Variants in NDUFAF5 observed in about 807,000 individuals in gnomAD.
NDUFAF5 encodes NADH:ubiquinone oxidoreductase complex assembly factor 5.
Under a neutral mutation model 48.9 loss-of-function variants are expected in NDUFAF5, and 34 were observed. The ratio of observed to expected loss-of-function variants is 0.70; its 90% CI spans 0.53 to 0.93. The LOEUF is 0.93. Ranked by LOEUF, NDUFAF5 falls within the 40% of genes least tolerant of loss-of-function variation. The pLI is 0.00. For synonymous variants in NDUFAF5, 153 were observed against 150.6 expected, an observed-to-expected ratio of 1.02 and a Z score of -0.12; for missense variants, 428 against 427.5, an observed-to-expected ratio of 1.00 and a Z score of -0.01.
intron 8 of NDUFAF5, among the ~76,000 whole-genome samples, chr20:13,814,702 T>A (rs1986260446): frequency 6.6e-6 from 1 of 152,222 alleles, no homozygotes; most frequent in Non-Finnish European, 1.5e-5. Flanking sequence ...TCCCAAAGTT[T>A]CAGTTTTTCC....
At chr20:13,803,692 ATT>A (rs1414791708) in intron 7 of NDUFAF5, among the ~76,000 whole-genome samples, 4 of 152,150 alleles carry the variant, frequency 2.6e-5, no homozygotes, top group African/African-American at 9.7e-5. Flanking sequence ...TTAAAACTGA[ATT>A]TGTTTTCGTA....
chr20:13,809,406 G>T (rs1419363711), intron 8 of NDUFAF5, among the ~76,000 whole-genome samples: 1 of 152,188 alleles, frequency 6.6e-6, no homozygotes, highest in Admixed American at 6.5e-5. Context: ...AAAAAAAATG[G>T]AGATGAATTA....
At chr20:13,807,948 TAAAA>T (rs11349642) in intron 7 of NDUFAF5, among the ~76,000 whole-genome samples, 1 of 148,100 alleles carries the variant, frequency 6.8e-6, no homozygotes, top group African/African-American at 2.5e-5. Context: ...GAATCCGTCT[TAAAA>T]AAAAAAAAAA....
intron 10 of NDUFAF5, 22 bp from the exon 11 acceptor site, chr20:13,817,096 C>A (rs1234064580): frequency 6.2e-7 from 1 of 1,605,312 alleles, no homozygotes; most frequent in East Asian, 2.2e-5. Context: ...TTTCTAATAT[C>A]TTTAATCTTT....
chr20:13,802,540 C>T (rs1351626392), intron 7 of NDUFAF5, among the ~76,000 whole-genome samples: 2 of 152,056 alleles, frequency 1.3e-5, no homozygotes, highest in East Asian at 3.9e-4. Context: ...TGTGGTGATG[C>T]ATGCCTGTAA....
rs760239102 is a variant in NDUFAF5 at position 13,793,187 on chromosome 20, T to C, written c.335T>C (p.Ile112Thr). ...YIAQYLNKET[I>T]GKFFQADIAE... Reference sequence around the variant, plus strand: ...TCAGTTATTCCATTGCAGGAAACTATTGGAAAGTTTTTCCAAGCTGACATT... The same window carrying C: ...TCAGTTATTCCATTGCAGGAAACTACTGGAAAGTTTTTCCAAGCTGACATT... Residue 112 changes from isoleucine (I) to threonine (T), a missense_variant, in exon 4 of 11, where the codon ATT becomes ACT. Transcript: ENST00000378106. 1.9e-5 allele frequency: 31 copies of C among 1,614,018 alleles called. No homozygotes were observed. Among genetic ancestry groups the C allele is most frequent in the South Asian group, 6.6e-5 (6 of 91,076 alleles).
Position 13,816,510 on chromosome 20 carries a change from C to A in NDUFAF5, c.826C>A (p.Arg276=), listed in dbSNP as rs148305100. The A allele has an allele frequency of 6.2e-7, 1 of 1,614,074 alleles. No homozygotes were observed. The highest frequency in any genetic ancestry group is 8.5e-7 in the Non-Finnish European group (1 of 1,179,960). The part of the protein sequence containing the change: ...CAWNRKALLH[R]DTMLAAAAVY... Reference sequence around the variant, plus strand: ...TTGGAATAGAAAAGCCCTGCTGCATCGAGACACAATGCTGGCAGCTGCGGC... The same window carrying A: ...TTGGAATAGAAAAGCCCTGCTGCATAGAGACACAATGCTGGCAGCTGCGGC... The change falls in exon 9 of 11, where the codon CGA becomes AGA. Residue 276 remains arginine, a synonymous_variant. Transcript: ENST00000378106.
intron 3 of NDUFAF5, 28 bp from the exon 4 acceptor site, chr20:13,793,152 T>C (rs1332413482): frequency 6.2e-7 from 1 of 1,613,474 alleles, no homozygotes; most frequent in Admixed American, 1.7e-5. Context: ...TGGATTTGTT[T>C]GTTTCAGCTT....
Position 13,817,229 on chromosome 20 carries a change from TGTC to T in NDUFAF5, c.*23_*25del, listed in dbSNP as rs752620921. On this transcript the variant is annotated 3_prime_UTR_variant, in exon 11 of 11. Transcript: ENST00000378106. ...ACAATAAATATTTATTCAGTGTTAA[TGTC>T]GTCCAGAATTTTCATCAGAAATGGA... 6 of 1,569,662 alleles carry T rather than the reference TGTC, an allele frequency of 3.8e-6. No individual in the cohort carries two copies. The highest frequency in any genetic ancestry group is 4.4e-6 in the Non-Finnish European group (5 of 1,139,520).
chr20:13,814,662 G>T, intron 8 of NDUFAF5: 1 of 406,860 alleles, frequency 2.5e-6, no homozygotes, highest in South Asian at 2.1e-5. Context: ...AGATTTTTCT[G>T]TTATCTCAAA....
chr20:13,787,774 T>C (rs552523893), intron 2 of NDUFAF5, among the ~76,000 whole-genome samples: 1 of 152,234 alleles, frequency 6.6e-6, no homozygotes, highest in Non-Finnish European at 1.5e-5. Context: ...ATTCTCCAGC[T>C]ATGTACTATA....
Position 13,785,298 on chromosome 20 carries a change from C to CGCCGGGCGGCGGGGCG in NDUFAF5, c.222+10_222+11insCGGGCGGCGGGGCGGC, listed in dbSNP as rs1555829381. 1.2e-5 allele frequency: 12 copies of CGCCGGGCGGCGGGGCG among 1,040,646 alleles called. No homozygotes were observed. The highest frequency in any genetic ancestry group is 4.8e-5 in the South Asian group (3 of 62,762). The allele number at this position is 1,040,646 out of a possible 1,614,324, so 64.5% of individuals were successfully genotyped here. A position where few individuals can be genotyped will look rare whatever the true frequency, so the allele number is the denominator to read the frequency against. On this transcript the variant is annotated intron_variant, in intron 1 of 10. Transcript: ENST00000378106. ...GACTACCTGAAGGAGGAGGTGAGCC[C>CGCCGGGCGGCGGGGCG]GCGGGGCGGCGGGGCGGCGGGGCGG...
Position 13,817,646 on chromosome 20 carries a change from A to G in NDUFAF5, c.*436A>G. On this transcript the variant is annotated 3_prime_UTR_variant, in exon 11 of 11. Coordinates refer to ENST00000378106, the MANE Select transcript of NDUFAF5 (RefSeq NM_024120.5). ...ATGTATCTTTATTAAATCCCTCCTC[A>G]ACTCTTTTTTTTTAAAGCATCTGAA... The G allele has an allele frequency of 2.2e-6, 1 of 454,174 alleles. No individual in the cohort carries two copies. Among genetic ancestry groups the G allele is most frequent in the South Asian group, 1.6e-5 (1 of 64,468 alleles). The allele number at this position is 454,174 out of a possible 1,614,324, so 28.1% of individuals were successfully genotyped here.
intron 7 of NDUFAF5, 98 bp from the exon 8 acceptor site, chr20:13,808,740 TAGCA>T: frequency 1.4e-6 from 1 of 721,484 alleles, no homozygotes; most frequent in South Asian, 1.6e-5. Flanking sequence ...ATTTTTTGCT[TAGCA>T]TGGGAGATTG....
intron 5 of NDUFAF5, among the ~76,000 whole-genome samples, chr20:13,795,993 TA>T (rs1983152416): frequency 6.6e-6 from 1 of 152,204 alleles, no homozygotes; most frequent in Non-Finnish European, 1.5e-5. Context: ...AAAAATGAAT[TA>T]GGGATCCTGT....
At chr20:13,796,236 C>T (rs1456455388) in intron 5 of NDUFAF5, among the ~76,000 whole-genome samples, 1 of 152,178 alleles carries the variant, frequency 6.6e-6, no homozygotes, top group East Asian at 1.9e-4. Context: ...TGTTTTCTTT[C>T]GTGAGTGTGT....
At chr20:13,787,945 A>G (rs1981491162) in intron 2 of NDUFAF5, among the ~76,000 whole-genome samples, 1 of 152,076 alleles carries the variant, frequency 6.6e-6, no homozygotes, top group Non-Finnish European at 1.5e-5. Context: ...AATGTAGCAT[A>G]ACATAGTGTA....
In NDUFAF5 at chr20:13,816,892, G is replaced by A; in HGVS notation, c.880G>A (p.Asp294Asn). The A allele has an allele frequency of 6.2e-7, 1 of 1,607,974 alleles. No individual in the cohort carries two copies. The highest frequency in any genetic ancestry group is 8.5e-7 in the Non-Finnish European group (1 of 1,174,574). The change falls in exon 10 of 11, where the codon GAT (aspartate) becomes AAT (asparagine). Residue 294 changes from aspartate (D) to asparagine (N), a missense_variant. Coordinates refer to ENST00000378106, the MANE Select transcript of NDUFAF5 (RefSeq NM_024120.5). ...AVYREMYRNE[D>N]GSVPATYQIY... ...CTTTTTAGAAATGTACAGAAATGAA[G>A]ATGGTTCAGTACCTGCTACATACCA...
At chr20:13,788,064 T>A (rs1215362771) in intron 2 of NDUFAF5, among the ~76,000 whole-genome samples, 1 of 152,182 alleles carries the variant, frequency 6.6e-6, no homozygotes, top group Non-Finnish European at 1.5e-5. Flanking sequence ...TGGTTTGACT[T>A]ACTTAGCTTC....
Sources: gnomAD v4.1 joint callset for allele counts (sites outside exome capture counted in the v4.1 genomes callset) on GRCh38, gnomAD v4.1.1 for gene constraint, MANE v1.5 for transcripts, NCBI Gene and HGNC (gene_info 2026-07-23, HGNC 2026-07-21) for gene names.